Variants in FGF14 observed in about 807,000 individuals in gnomAD.
FGF14 encodes the protein fibroblast growth factor homologous factor 4.
FGF14 carries 5 observed loss-of-function variants against 25.5 expected under a neutral mutation model. The ratio of observed to expected loss-of-function variants is 0.20; its 90% CI spans 0.10 to 0.41. FGF14 has a LOEUF of 0.41. Ranked by LOEUF, FGF14 falls within the 10% of genes least tolerant of loss-of-function variation. The probability of loss-of-function intolerance (pLI) is 1.00; values close to 1 mark genes in which losing one functional copy is unlikely to be tolerated. For synonymous variants in FGF14, 138 were observed against 118.3 expected (o/e 1.17, Z -1.08); for missense variants, 222 against 320.1 (o/e 0.69, Z 2.34).
chr13:102,165,882 A>T (rs2140637856), intron 1 of FGF14, among the ~76,000 whole-genome samples: 1 of 151,968 alleles, frequency 6.6e-6, no homozygotes, highest in South Asian at 2.1e-4. Context: ...AAACAGGAGG[A>T]ATGAGGATAC....
intron 3 of FGF14, among the ~76,000 whole-genome samples, chr13:101,856,653 C>T (rs1387150449): frequency 6.6e-6 from 1 of 151,938 alleles, no homozygotes; most frequent in Non-Finnish European, 1.5e-5. Context: ...AATAAATTTG[C>T]ATCTTTGCAT....
chr13:101,729,440 G>A (rs927042577), intron 3 of FGF14, among the ~76,000 whole-genome samples: 3 of 152,086 alleles, frequency 2.0e-5, no homozygotes, highest in African/African-American at 2.4e-5. Flanking sequence ...CTTTCAACAC[G>A]TAAATGGGAA....
intron 1 of FGF14, among the ~76,000 whole-genome samples, chr13:101,993,566 A>G (rs1034065944): frequency 1.3e-5 from 2 of 152,102 alleles, no homozygotes; most frequent in Non-Finnish European, 1.5e-5. Context: ...AGCGATGAGC[A>G]GGAGAGATTG....
At chr13:102,196,421 A>C (rs2049354184) in intron 1 of FGF14, among the ~76,000 whole-genome samples, 1 of 152,204 alleles carries the variant, frequency 6.6e-6, no homozygotes. Flanking sequence ...GGAAAGAAAA[A>C]AAAATCCTTC....
intron 1 of FGF14, among the ~76,000 whole-genome samples, chr13:101,907,373 G>A (rs572406533): frequency 8.5e-5 from 13 of 152,194 alleles, no homozygotes; most frequent in African/African-American, 2.9e-4. Context: ...AAAGATGATC[G>A]CATAAAGGGT....
chr13:102,194,400 C>T (rs1372166897), intron 1 of FGF14, among the ~76,000 whole-genome samples: 1 of 150,010 alleles, frequency 6.7e-6, no homozygotes, highest in African/African-American at 2.5e-5. Context: ...GCCCCACATG[C>T]ATTAGCTATT....
In FGF14 at chr13:102,296,451, A is replaced by T. The variant is rs570025789; in HGVS notation, c.208+105020T>A. Among the ~76,000 whole-genome samples the T allele has an allele frequency of 2.0e-5, 3 of 152,278 alleles. No individual in the cohort carries two copies. In the South Asian group the frequency reaches 6.2e-4, roughly 32 times the overall value. On this transcript the variant is annotated intron_variant, in intron 1 of 4. Transcript: ENST00000376131. Reference sequence around the variant, plus strand: ...GCAGAATAGGGCAATGGACTTATGGACACTTCATTGGCCTTGATAATCCCT... The same window carrying T: ...GCAGAATAGGGCAATGGACTTATGGTCACTTCATTGGCCTTGATAATCCCT...
At chr13:102,018,776 C>A (rs1362584685) in intron 1 of FGF14, among the ~76,000 whole-genome samples, 1 of 149,432 alleles carries the variant, frequency 6.7e-6, no homozygotes, top group Non-Finnish European at 1.5e-5. Context: ...TCTACTCTGG[C>A]TTAGCAACTT....
intron 1 of FGF14, among the ~76,000 whole-genome samples, chr13:102,278,756 T>C (rs1255997488): frequency 6.6e-6 from 1 of 152,050 alleles, no homozygotes; most frequent in East Asian, 1.9e-4. Context: ...CATTTTAAGA[T>C]AAATGACTGA....
At chr13:102,108,544 C>A (rs1013429888) in intron 1 of FGF14, among the ~76,000 whole-genome samples, 3 of 152,104 alleles carry the variant, frequency 2.0e-5, no homozygotes, top group Non-Finnish European at 4.4e-5. Flanking sequence ...AGATTCTTAG[C>A]CTCTGAAGAC....
In FGF14 at chr13:101,835,208, C is replaced by T. The variant is rs189726558; in HGVS notation, c.408+33517G>A. On this transcript the variant is annotated intron_variant, in intron 3 of 4. Coordinates refer to ENST00000376143, the MANE Select transcript of FGF14 (RefSeq NM_004115.4). ...AGTAATAGTGCTGCTTCTGCACAGCCTTTCAAGGTTGTGTATGTGGGTGTG... is the reference window on the plus strand; with the variant it reads ...AGTAATAGTGCTGCTTCTGCACAGCTTTTCAAGGTTGTGTATGTGGGTGTG... 1.5e-3 allele frequency among the ~76,000 whole-genome samples: 225 copies of T among 151,954 alleles called. 1 individual carries two copies. Among genetic ancestry groups the T allele is most frequent in the African/African-American group, 5.2e-3 (215 of 41,466 alleles).
intron 3 of FGF14, among the ~76,000 whole-genome samples, chr13:101,762,988 C>A (rs76393627): frequency 0.023 from 3,457 of 152,266 alleles, 89 homozygotes; most frequent in East Asian, 0.06. Context: ...CAGCCTTCAG[C>A]CCCATCATAA....
intron 1 of FGF14, among the ~76,000 whole-genome samples, chr13:102,113,480 T>A (rs2045327995): frequency 6.6e-6 from 1 of 152,202 alleles, no homozygotes; most frequent in African/African-American, 2.4e-5. Flanking sequence ...TACTGTAAAA[T>A]ACAACTACAT....
chr13:101,885,875 C>T (rs533086749), intron 1 of FGF14, among the ~76,000 whole-genome samples: 76 of 152,240 alleles, frequency 5.0e-4, no homozygotes, highest in African/African-American at 1.7e-3. Flanking sequence ...CTCAGGAACA[C>T]CACCTAACTA....
chr13:102,237,684 C>T (rs1251131310), intron 1 of FGF14, among the ~76,000 whole-genome samples: 2 of 151,554 alleles, frequency 1.3e-5, no homozygotes, highest in Non-Finnish European at 2.9e-5. Context: ...AAATTAAATA[C>T]ATTTCTAAAA....
At chr13:102,153,843 A>G (rs1437718190) in intron 1 of FGF14, among the ~76,000 whole-genome samples, 1 of 152,202 alleles carries the variant, frequency 6.6e-6, no homozygotes, top group Non-Finnish European at 1.5e-5. Flanking sequence ...CACAGATGCA[A>G]TGAAAATAAT....
intron 1 of FGF14, among the ~76,000 whole-genome samples, chr13:102,294,260 C>G (rs1434840695): frequency 6.6e-6 from 1 of 152,118 alleles, no homozygotes; most frequent in Middle Eastern, 3.2e-3. Flanking sequence ...GACTTTTTAA[C>G]AACTAATTTT....
intron 1 of FGF14, among the ~76,000 whole-genome samples, chr13:102,139,406 GA>G (rs376459762): frequency 4.7e-4 from 67 of 143,596 alleles, no homozygotes; most frequent in Middle Eastern, 3.6e-3. Flanking sequence ...TCTCAAGAAA[GA>G]AAAAAAAAAT....
chr13:102,179,742 A>G (rs2048592696), intron 1 of FGF14, among the ~76,000 whole-genome samples: 1 of 152,150 alleles, frequency 6.6e-6, no homozygotes, highest in Admixed American at 6.5e-5. Context: ...GCTAAAGCTC[A>G]CAAGTGAAGA....
Sources: gnomAD v4.1 joint callset for allele counts (sites outside exome capture counted in the v4.1 genomes callset) on GRCh38, gnomAD v4.1.1 for gene constraint, MANE v1.5 for transcripts, NCBI Gene and HGNC (gene_info 2026-07-23, HGNC 2026-07-21) for gene names.